VTI1A: variants seen among roughly 807,000 people sequenced by gnomAD.
The protein encoded by VTI1A is vesicle transport through interaction with t-SNAREs homolog 1A.
In VTI1A, 22 loss-of-function variants were observed where a neutral mutation model predicts 34.9. The ratio of observed to expected loss-of-function variants is 0.63; its 90% confidence interval spans 0.45 to 0.90. The LOEUF is 0.90. VTI1A is among the 40% of genes least tolerant of loss of function. The pLI, the probability that VTI1A is intolerant of heterozygous loss-of-function variation, is 0.00. For synonymous variants in VTI1A, 87 were observed against 97.3 expected (o/e 0.89, Z 0.62); for missense variants, 268 against 275.6 (o/e 0.97, Z 0.20).
the VTI1A span, among the ~76,000 whole-genome samples, chr10:112,839,621 C>T: frequency 6.6e-6 from 1 of 152,136 alleles, no homozygotes; most frequent in South Asian, 2.1e-4. Context: ...CCCAAGTGCT[C>T]CCCGCTGCCC....
At chr10:112,479,570 C>T (rs758783450) in intron 3 of VTI1A, among the ~76,000 whole-genome samples, 18 of 152,180 alleles carry the variant, frequency 1.2e-4, no homozygotes, top group Non-Finnish European at 2.5e-4. Context: ...GACAGATTTT[C>T]ATTTATTCTT....
intron 3 of VTI1A, among the ~76,000 whole-genome samples, chr10:112,520,891 T>G (rs1850002329): frequency 6.6e-6 from 1 of 151,946 alleles, no homozygotes; most frequent in South Asian, 2.1e-4. Context: ...AATTTTTAAT[T>G]TTTTTTCTGG....
At chr10:112,539,169 T>G (rs1400769473) in intron 5 of VTI1A, among the ~76,000 whole-genome samples, 1 of 152,214 alleles carries the variant, frequency 6.6e-6, no homozygotes, top group Non-Finnish European at 1.5e-5. Context: ...TTTGTGTATT[T>G]TGGATAGCTC....
chr10:112,834,652 G>A, the VTI1A span, among the ~76,000 whole-genome samples: 1 of 152,182 alleles, frequency 6.6e-6, no homozygotes. Flanking sequence ...CCTCTCTGCT[G>A]ACAACAAGAT....
intron 5 of VTI1A, among the ~76,000 whole-genome samples, chr10:112,549,942 A>G (rs1277946021): frequency 1.3e-5 from 2 of 152,220 alleles, no homozygotes; most frequent in Non-Finnish European, 1.5e-5. Flanking sequence ...GTGCTTATAT[A>G]TACTTTGTGA....
rs10749120 is a variant in VTI1A at position 112,594,382 on chromosome 10, A to T, written c.427+56052A>T. Among the ~76,000 whole-genome samples the T allele has an allele frequency of 2.0e-5, 3 of 152,078 alleles. No individual in the cohort carries two copies. The East Asian group carries it at 5.8e-4, about 29-fold the overall frequency. The stretch of plus-strand genomic sequence containing the variant: ...AGAGGAAGTCAAATTGTCACTGTTC[A>T]CAGACGACATGATTGTATATCTAGA... On this transcript the variant is annotated intron_variant, in intron 5 of 7. Coordinates refer to ENST00000393077, the MANE Select transcript of VTI1A (RefSeq NM_145206.4).
chr10:112,821,483 T>G (rs1358959983), downstream of VTI1A, among the ~76,000 whole-genome samples: 2 of 152,144 alleles, frequency 1.3e-5, no homozygotes, highest in African/African-American at 4.8e-5. Context: ...AGAGAAATGT[T>G]TTTTCGTGAC....
Position 112,522,063 on chromosome 10 carries a change from A to G in VTI1A, c.265-5024A>G, listed in dbSNP as rs563643385. Among the ~76,000 whole-genome samples, 4 of 152,218 alleles carry G rather than the reference A, an allele frequency of 2.6e-5. No individual in the cohort carries two copies. In the South Asian group the frequency reaches 8.3e-4, roughly 32 times the overall value. On this transcript the variant is annotated intron_variant, in intron 3 of 7. Coordinates refer to ENST00000393077, the MANE Select transcript of VTI1A (RefSeq NM_145206.4). ...TATTTAATTAGAACCAGATAAAATTAGTTAAGAAATGAGTGCCAGCAATTA... is the reference window on the plus strand; with the variant it reads ...TATTTAATTAGAACCAGATAAAATTGGTTAAGAAATGAGTGCCAGCAATTA...
At chr10:112,681,147 C>G (rs570010101) in intron 7 of VTI1A, among the ~76,000 whole-genome samples, 9 of 151,194 alleles carry the variant, frequency 6.0e-5, no homozygotes, top group Admixed American at 2.0e-4. Flanking sequence ...CCAACAATAG[C>G]TCACTGCAAC....
chr10:112,567,191 G>A (rs981090319), intron 5 of VTI1A, among the ~76,000 whole-genome samples: 4 of 151,894 alleles, frequency 2.6e-5, no homozygotes, highest in East Asian at 1.9e-4. Flanking sequence ...CACCATGCCC[G>A]GCTAATTTTT....
the VTI1A span, among the ~76,000 whole-genome samples, chr10:112,855,198 T>C: frequency 3.9e-5 from 6 of 152,194 alleles, no homozygotes; most frequent in Admixed American, 3.9e-4. Flanking sequence ...TGTCACTCTC[T>C]GCAGGCCCAA....
intron 5 of VTI1A, among the ~76,000 whole-genome samples, chr10:112,639,727 AT>A (rs1846496413): frequency 6.6e-6 from 1 of 152,182 alleles, no homozygotes. Flanking sequence ...GAATATGGAA[AT>A]TTTTATAAAA....
rs1157092533 is a variant in VTI1A at position 112,767,694 on chromosome 10, T to C, written c.561-47596T>C. ...ATTTCTTCCTTACTCTTTTTTTTTT[T>C]CTGTTTCTCTGTATTCTCCCAATTT... On this transcript the variant is annotated intron_variant, in intron 7 of 7. Transcript: ENST00000393077. This position sits in a 1 kb window ranked among gnomAD's most constrained non-coding sequence, Gnocchi z 4.0. Among the ~76,000 whole-genome samples, 1 of 152,112 alleles carries C rather than the reference T, an allele frequency of 6.6e-6. No individual in the cohort carries two copies.
intron 7 of VTI1A, chr10:112,672,835 C>G (rs1382084164): frequency 6.6e-6 from 1 of 152,098 alleles, no homozygotes; most frequent in Non-Finnish European, 1.5e-5. Context: ...ATTCTATTTC[C>G]TTTTACCTCT....
intron 5 of VTI1A, among the ~76,000 whole-genome samples, chr10:112,580,880 A>G (rs1843901058): frequency 6.6e-6 from 1 of 152,228 alleles, no homozygotes; most frequent in Non-Finnish European, 1.5e-5. Flanking sequence ...ATATTTAGGA[A>G]TAACTACGTA....
At chr10:112,798,145 G>A (rs1288175785) in intron 7 of VTI1A, among the ~76,000 whole-genome samples, 1 of 152,186 alleles carries the variant, frequency 6.6e-6, no homozygotes, top group Non-Finnish European at 1.5e-5. Context: ...TGTTAGGTCA[G>A]TGCGGCTGTG....
At chr10:112,690,612 T>C (rs1464660872) in intron 7 of VTI1A, among the ~76,000 whole-genome samples, 1 of 152,232 alleles carries the variant, frequency 6.6e-6, no homozygotes, top group Non-Finnish European at 1.5e-5. Context: ...ATGGAGATTC[T>C]CGGTTGGAAT....
chr10:112,643,813 C>A (rs1846672590), intron 5 of VTI1A, among the ~76,000 whole-genome samples: 1 of 152,172 alleles, frequency 6.6e-6, no homozygotes, highest in Admixed American at 6.5e-5. Flanking sequence ...CATTGCATCA[C>A]TGTTGACATT....
intron 3 of VTI1A, among the ~76,000 whole-genome samples, chr10:112,472,072 T>C (rs1848109404): frequency 1.3e-5 from 2 of 152,304 alleles, no homozygotes; most frequent in East Asian, 3.9e-4. Flanking sequence ...CATCTTGTGG[T>C]TGATTTATAT....
Sources: gnomAD v4.1 joint callset for allele counts (sites outside exome capture counted in the v4.1 genomes callset) on GRCh38, gnomAD v4.1.1 for gene constraint, Gnocchi (gnomAD v3.1) non-coding constraint, MANE v1.5 for transcripts, NCBI Gene and HGNC (gene_info 2026-07-23, HGNC 2026-07-21) for gene names.